The following FRMD4A variants were observed in gnomAD, a reference collection of about 807,000 sequenced individuals.
FRMD4A encodes FERM domain-containing protein 4A.
FRMD4A carries 29 observed loss-of-function variants against 129.1 expected under a neutral mutation model. The ratio of observed to expected loss-of-function variants is 0.22; its 90% CI spans 0.17 to 0.31. The LOEUF (loss-of-function observed/expected upper bound fraction) is 0.31, where lower values mean the gene tolerates loss of function less well. Ranked by LOEUF, FRMD4A falls within the 10% of genes least tolerant of loss-of-function variation. The pLI is 1.00. For synonymous variants in FRMD4A, 634 were observed against 571.6 expected (o/e 1.11, Z -1.56); for missense variants, 1,272 against 1,375.8 (o/e 0.92, Z 1.19).
At chr10:14,234,085 C>T (rs928933244) in intron 2 of FRMD4A, among the ~76,000 whole-genome samples, 6 of 152,178 alleles carry the variant, frequency 3.9e-5, no homozygotes, top group African/African-American at 4.8e-5. Flanking sequence ...ACAGAACACA[C>T]GATCTCACCC....
intron 6 of FRMD4A, among the ~76,000 whole-genome samples, chr10:13,777,528 A>G (rs7916179): frequency 0.68 from 103,794 of 151,940 alleles, 35,973 homozygotes; most frequent in East Asian, 0.95. Context: ...TGGGTTCTGG[A>G]GTGACATTCA....
intron 2 of FRMD4A, among the ~76,000 whole-genome samples, chr10:14,082,429 T>C (rs775178884): frequency 2.6e-5 from 4 of 152,148 alleles, no homozygotes; most frequent in Non-Finnish European, 4.4e-5. Context: ...TAGGAGTAGC[T>C]AGACGTCCTA....
intron 2 of FRMD4A, among the ~76,000 whole-genome samples, chr10:14,040,703 G>C (rs189536989): frequency 7.7e-4 from 117 of 151,914 alleles, no homozygotes; most frequent in African/African-American, 2.8e-3. Flanking sequence ...CTTATTAACA[G>C]GATGAGTACT....
intron 2 of FRMD4A, among the ~76,000 whole-genome samples, chr10:13,952,309 G>A (rs1241155137): frequency 6.6e-6 from 1 of 151,944 alleles, no homozygotes; most frequent in African/African-American, 2.4e-5. Flanking sequence ...ATTAGCTTGG[G>A]ATACACAGCA....
intron 2 of FRMD4A, among the ~76,000 whole-genome samples, chr10:14,009,149 C>A (rs76099388): frequency 0.045 from 6,902 of 152,256 alleles, 220 homozygotes; most frequent in African/African-American, 0.075. Flanking sequence ...ACACAGCCTT[C>A]TTTGATGGAT....
chr10:14,061,750 C>T (rs1834825205), intron 2 of FRMD4A, among the ~76,000 whole-genome samples: 1 of 152,130 alleles, frequency 6.6e-6, no homozygotes, highest in South Asian at 2.1e-4. Flanking sequence ...CCTTTTCTTC[C>T]CATGGGCATT....
intron 2 of FRMD4A, among the ~76,000 whole-genome samples, chr10:13,882,519 T>C (rs1341815867): frequency 6.6e-6 from 1 of 152,196 alleles, no homozygotes; most frequent in African/African-American, 2.4e-5. Flanking sequence ...TCTGGAATCC[T>C]ACCCAGTGAG....
chr10:13,990,166 T>A (rs1476704508), intron 2 of FRMD4A, among the ~76,000 whole-genome samples: 1 of 152,186 alleles, frequency 6.6e-6, no homozygotes, highest in African/African-American at 2.4e-5. Context: ...AGAGCCAACC[T>A]CAAAGGGCTG....
chr10:14,107,577 G>C (rs1281301775), intron 2 of FRMD4A, among the ~76,000 whole-genome samples: 2 of 152,108 alleles, frequency 1.3e-5, no homozygotes, highest in African/African-American at 4.8e-5. Flanking sequence ...TCACTTTGCT[G>C]CATCATTTTT....
Position 14,039,387 on chromosome 10 carries a change from C to CT in FRMD4A, c.46-180476_46-180475insA, listed in dbSNP as rs1565204442. On this transcript the variant is annotated intron_variant, in intron 2 of 24. Coordinates refer to ENST00000357447, the MANE Select transcript of FRMD4A (RefSeq NM_018027.5). ...CCGTCCGTCCATCCATCCATCCATC[C>CT]ATCCATCCATCCATCCATCCATCTA... is the stretch of plus-strand genomic sequence containing the variant. Among the ~76,000 whole-genome samples the CT allele has an allele frequency of 6.5e-5, 8 of 123,746 alleles. 1 individual carries two copies. Among genetic ancestry groups the CT allele is most frequent in the African/African-American group, 2.7e-4 (8 of 29,280 alleles). 81.2% of individuals were successfully genotyped at this position (123,746 alleles called of 152,430 possible).
intron 2 of FRMD4A, among the ~76,000 whole-genome samples, chr10:13,909,973 C>T (rs1301383542): frequency 1.4e-4 from 21 of 152,208 alleles, no homozygotes; most frequent in Admixed American, 1.4e-3. Context: ...GATACAAAAA[C>T]ATGGCCTATT....
At chr10:14,084,143 A>G (rs1443231160) in intron 2 of FRMD4A, among the ~76,000 whole-genome samples, 2 of 152,142 alleles carry the variant, frequency 1.3e-5, no homozygotes, top group African/African-American at 4.8e-5. Flanking sequence ...CCATGCACAG[A>G]GGGCTTTTTT....
intron 2 of FRMD4A, among the ~76,000 whole-genome samples, chr10:14,005,887 G>T (rs2095660462): frequency 6.6e-6 from 1 of 152,198 alleles, no homozygotes; most frequent in Admixed American, 6.5e-5. Flanking sequence ...TAAAGCAGGG[G>T]AATGAACTGA....
intron 2 of FRMD4A, among the ~76,000 whole-genome samples, chr10:14,287,911 A>G (rs1324949402): frequency 1.3e-5 from 2 of 152,198 alleles, no homozygotes; most frequent in African/African-American, 4.8e-5. Flanking sequence ...TTGACAAAAC[A>G]GCTCTTATCC....
chr10:13,894,991 AC>A (rs2094741267), intron 2 of FRMD4A, among the ~76,000 whole-genome samples: 2 of 152,178 alleles, frequency 1.3e-5, no homozygotes, highest in Non-Finnish European at 2.9e-5. Context: ...AATATTGCCT[AC>A]CTTGTAGGGC....
At chr10:13,804,556 T>TC (rs2093325320) in intron 4 of FRMD4A, among the ~76,000 whole-genome samples, 5 of 151,976 alleles carry the variant, frequency 3.3e-5, no homozygotes, top group Admixed American at 2.6e-4. Context: ...TATTTCTTTT[T>TC]TTTGTTGAGA....
At chr10:14,029,718 A>G (rs1833146480) in intron 2 of FRMD4A, among the ~76,000 whole-genome samples, 1 of 152,106 alleles carries the variant, frequency 6.6e-6, no homozygotes, top group Non-Finnish European at 1.5e-5. Context: ...AGTTTAATCC[A>G]ATTATTAAAT....
chr10:14,218,199 TA>T (rs1843134004), intron 2 of FRMD4A, among the ~76,000 whole-genome samples: 1 of 152,236 alleles, frequency 6.6e-6, no homozygotes, highest in Non-Finnish European at 1.5e-5. Flanking sequence ...TCTGTTTGTT[TA>T]AATTGGTATG....
At chr10:13,706,761 C>CACAA (rs2134901668) in intron 13 of FRMD4A, among the ~76,000 whole-genome samples, 2 of 151,660 alleles carry the variant, frequency 1.3e-5, no homozygotes, top group East Asian at 3.9e-4. Flanking sequence ...CACACACACA[C>CACAA]ACACACACAC....
Sources: allele counts gnomAD v4.1 joint callset (sites outside exome capture counted in the v4.1 genomes callset), GRCh38; gene constraint gnomAD v4.1.1; transcripts MANE v1.5; gene names NCBI Gene and HGNC (gene_info 2026-07-23, HGNC 2026-07-21).